The following ALOX5 variants were observed in gnomAD, a reference collection of about 807,000 sequenced individuals.
ALOX5 encodes arachidonate 5-lipoxygenase.
ALOX5 carries 64 observed loss-of-function variants against 87.9 expected under a neutral mutation model. The observed-to-expected ratio is 0.73, with a 90% CI of 0.60 to 0.90. The LOEUF (loss-of-function observed/expected upper bound fraction) is 0.90. Ranked by LOEUF, ALOX5 falls within the 40% of genes least tolerant of loss-of-function variation. The probability of loss-of-function intolerance (pLI) is 0.00; values close to 1 mark genes in which losing one functional copy is unlikely to be tolerated. For synonymous variants in ALOX5, 388 were observed against 355.1 expected, an observed-to-expected ratio of 1.09 and a Z score of -1.04; for missense variants, 822 against 907.5, an observed-to-expected ratio of 0.91 and a Z score of 1.21.
In ALOX5 at chr10:45,438,132, T is replaced by C. The variant is rs1032757163; in HGVS notation, c.982-2298T>C. 6.7e-4 allele frequency among the ~76,000 whole-genome samples: 100 copies of C among 148,706 alleles called. 1 individual carries two copies. Among genetic ancestry groups the C allele is most frequent in the Admixed American group, 1.0e-3 (15 of 14,904 alleles). On this transcript the variant is annotated intron_variant, in intron 7 of 13. Coordinates refer to ENST00000374391, the MANE Select transcript of ALOX5 (RefSeq NM_000698.5). Reference sequence around the variant, plus strand: ...AACAAAGATAATTTGACTTCCTCTTTTTTTTTTTTTCATTTGGATCCCTTT... The same window carrying C: ...AACAAAGATAATTTGACTTCCTCTTCTTTTTTTTTTCATTTGGATCCCTTT...
intron 3 of ALOX5, among the ~76,000 whole-genome samples, chr10:45,404,596 C>T (rs1283263389): frequency 2.0e-5 from 3 of 152,256 alleles, no homozygotes; most frequent in African/African-American, 7.2e-5. Flanking sequence ...ATCTGGTTGA[C>T]ACAGATAGAT....
chr10:45,428,141 C>G (rs1589036435), intron 6 of ALOX5, among the ~76,000 whole-genome samples: 1 of 151,096 alleles, frequency 6.6e-6, no homozygotes, highest in Admixed American at 6.6e-5. Flanking sequence ...CCGCAGCCCC[C>G]CTACCCCACC....
chr10:45,439,405 G>A (rs1449474941), intron 7 of ALOX5, among the ~76,000 whole-genome samples: 1 of 152,206 alleles, frequency 6.6e-6, no homozygotes, highest in East Asian at 1.9e-4. Context: ...GTCTGGCCAT[G>A]CCCCTTCCTG....
chr10:45,419,450 T>C (rs1413940858), intron 4 of ALOX5, among the ~76,000 whole-genome samples: 1 of 136,102 alleles, frequency 7.3e-6, no homozygotes, highest in East Asian at 2.1e-4. Context: ...AGAGGGAACC[T>C]GGGGGCAGGC....
chr10:45,419,744 G>A (rs76926799), intron 4 of ALOX5, among the ~76,000 whole-genome samples: 1 of 29,374 alleles, frequency 3.4e-5, no homozygotes, highest in Non-Finnish European at 7.0e-5. Context: ...GTTTCAAAAG[G>A]CACCAGGGGT....
At chr10:45,392,233 C>T (rs1016418277) in intron 2 of ALOX5, among the ~76,000 whole-genome samples, 1 of 152,136 alleles carries the variant, frequency 6.6e-6, no homozygotes, top group African/African-American at 2.4e-5. Context: ...GAGAACGGGC[C>T]ATGATGACAA....
intron 4 of ALOX5, among the ~76,000 whole-genome samples, chr10:45,419,887 T>C (rs1268591097): frequency 6.6e-6 from 1 of 151,454 alleles, no homozygotes; most frequent in East Asian, 1.9e-4. Context: ...GGAGGAAGGG[T>C]GAGGACCCAG....
At chr10:45,440,359 G>A in intron 7 of ALOX5, 71 bp from the exon 8 acceptor site, 1 of 1,493,810 alleles carries the variant, frequency 6.7e-7, no homozygotes, top group Admixed American at 1.8e-5. Flanking sequence ...CTTCCCAAGA[G>A]GCGAAGTTCT....
At chr10:45,436,240 G>A (rs1247334310) in intron 7 of ALOX5, among the ~76,000 whole-genome samples, 4 of 152,198 alleles carry the variant, frequency 2.6e-5, no homozygotes, top group Non-Finnish European at 5.9e-5. Context: ...TTGCTGTGCA[G>A]AAGCTCTTTA....
intron 3 of ALOX5, among the ~76,000 whole-genome samples, chr10:45,405,723 G>A (rs1023487853): frequency 6.8e-6 from 1 of 147,430 alleles, no homozygotes; most frequent in Non-Finnish European, 1.5e-5. Context: ...TGAGTTTAGA[G>A]CTTTCATTCA....
intron 4 of ALOX5, among the ~76,000 whole-genome samples, chr10:45,420,830 C>T (rs1203633952): frequency 1.3e-5 from 2 of 152,250 alleles, no homozygotes; most frequent in Non-Finnish European, 2.9e-5. Context: ...TTAGGTGAAC[C>T]TCAATGGCCT....
intron 2 of ALOX5, 141 bp downstream of exon 2, chr10:45,382,822 C>T: frequency 1.0e-6 from 1 of 1,004,230 alleles, no homozygotes; most frequent in South Asian, 1.6e-5. Flanking sequence ...TGCCTCGACA[C>T]ACCTGCAGGA....
At chr10:45,445,455 G>A in intron 13 of ALOX5, 53 bp from the exon 14 acceptor site, 1 of 1,577,718 alleles carries the variant, frequency 6.3e-7, no homozygotes. Flanking sequence ...AGGCCTGTCA[G>A]TTTACACGGG....
intron 3 of ALOX5, among the ~76,000 whole-genome samples, chr10:45,411,089 G>A (rs1303141618): frequency 6.6e-6 from 1 of 152,158 alleles, no homozygotes; most frequent in Non-Finnish European, 1.5e-5. Context: ...GACCATATAG[G>A]GTAACTTCCT....
At chr10:45,442,566 C>A (rs992277832) in intron 9 of ALOX5, 8 of 157,936 alleles carry the variant, frequency 5.1e-5, no homozygotes, top group Non-Finnish European at 1.1e-4. Context: ...GGATCAGGAC[C>A]AGGATCCCTC....
intron 2 of ALOX5, among the ~76,000 whole-genome samples, chr10:45,390,234 T>C (rs1256583462): frequency 1.3e-5 from 2 of 152,214 alleles, no homozygotes; most frequent in Admixed American, 6.5e-5. Flanking sequence ...TCCCACACAA[T>C]AATAATGAGA....
At chr10:45,389,068 C>T (rs368148018) in intron 2 of ALOX5, among the ~76,000 whole-genome samples, 11 of 152,066 alleles carry the variant, frequency 7.2e-5, no homozygotes, top group Admixed American at 5.9e-4. Flanking sequence ...GTAGCCGATT[C>T]GATCAACTGT....
chr10:45,395,156 C>T (rs1040436543), intron 2 of ALOX5, among the ~76,000 whole-genome samples: 291 of 152,248 alleles, frequency 1.9e-3, no homozygotes, highest in Non-Finnish European at 1.9e-3. Flanking sequence ...CACATGCACA[C>T]GTATGTTTAT....
At chr10:45,437,828 C>G (rs556000019) in intron 7 of ALOX5, among the ~76,000 whole-genome samples, 6 of 152,332 alleles carry the variant, frequency 3.9e-5, no homozygotes, top group African/African-American at 1.4e-4. Context: ...GGACAAGCTG[C>G]GTAAGGAATA....
Sources: gnomAD v4.1 joint callset for allele counts (sites outside exome capture counted in the v4.1 genomes callset) on GRCh38, gnomAD v4.1.1 for gene constraint, MANE v1.5 for transcripts, NCBI Gene and HGNC (gene_info 2026-07-23, HGNC 2026-07-21) for gene names.